The following NDUFA10 variants were observed in gnomAD, a reference collection of about 807,000 sequenced individuals.
The protein encoded by NDUFA10 is NADH:ubiquinone oxidoreductase subunit A10.
Under a neutral mutation model 47.8 loss-of-function variants are expected in NDUFA10, and 40 were observed. The observed-to-expected ratio is 0.84, with a 90% CI of 0.65 to 1.09. NDUFA10 has a LOEUF of 1.09. NDUFA10 is among the 50% of genes least tolerant of loss of function. The pLI, the probability that NDUFA10 is intolerant of heterozygous loss-of-function variation, is 0.00. For missense variants in NDUFA10, 413 were observed against 451.1 expected (o/e 0.92, Z 0.76); for synonymous variants, 183 against 172.2 (o/e 1.06, Z -0.49).
intron 4 of NDUFA10, among the ~76,000 whole-genome samples, chr2:239,916,948 T>C (rs1017072521): frequency 6.6e-6 from 1 of 152,134 alleles, no homozygotes; most frequent in African/African-American, 2.4e-5. Flanking sequence ...GCTGGCACCG[T>C]CCCAGGCTCT....
Position 239,906,067 on chromosome 2 carries a change from T to A in NDUFA10, c.295-10753A>T, listed in dbSNP as rs1384660281. ...GCCCTGAGGGGTGATACCTCCAAGG[T>A]GCTCAGGGGACCTTGAAGCAGCCCT... On this transcript the variant is annotated intron_variant, in intron 4 of 5. Coordinates refer to the NDUFA10 transcript ENST00000419408. This position sits in a 1 kb window ranked among gnomAD's most constrained non-coding sequence, Gnocchi z 4.3. 6.6e-6 allele frequency among the ~76,000 whole-genome samples: 1 copy of A among 152,072 alleles called. No individual in the cohort carries two copies. The highest frequency in any genetic ancestry group is 1.9e-4 in the East Asian group (1 of 5,170).
At chr2:239,989,790 A>G (rs1028184076) in intron 9 of NDUFA10, among the ~76,000 whole-genome samples, 1 of 152,244 alleles carries the variant, frequency 6.6e-6, no homozygotes, top group South Asian at 2.1e-4. Flanking sequence ...AGAAACTGAC[A>G]TAACAGCTGA....
intron 8 of NDUFA10, among the ~76,000 whole-genome samples, chr2:240,003,221 G>C (rs1439889529): frequency 1.3e-5 from 2 of 152,132 alleles, no homozygotes; most frequent in East Asian, 3.9e-4. Context: ...TGAGCCAGCT[G>C]TCCCTCTGGT....
intron 4 of NDUFA10, among the ~76,000 whole-genome samples, chr2:239,912,575 C>T (rs1455038639): frequency 9.6e-6 from 1 of 104,004 alleles, no homozygotes; most frequent in Non-Finnish European, 1.9e-5. Context: ...CTAGCCTTTC[C>T]CAGGGATGGT....
intron 1 of NDUFA10, 71 bp from the exon 2 acceptor site, chr2:240,022,411 G>C: frequency 2.5e-6 from 4 of 1,603,198 alleles, no homozygotes; most frequent in Non-Finnish European, 2.6e-6. Context: ...GTAACTATTA[G>C]GTAAAAATAC....
At chr2:240,004,756 C>G (rs898983932) in intron 8 of NDUFA10, among the ~76,000 whole-genome samples, 4 of 152,304 alleles carry the variant, frequency 2.6e-5, no homozygotes. Context: ...CTGCTCACCC[C>G]ACGGCCCACA....
chr2:239,905,057 A>G (rs1416247601), intron 4 of NDUFA10, among the ~76,000 whole-genome samples: 1 of 152,156 alleles, frequency 6.6e-6, no homozygotes, highest in African/African-American at 2.4e-5. Context: ...CTTTTTCCAA[A>G]TAAGTTCCCA....
intron 4 of NDUFA10, among the ~76,000 whole-genome samples, chr2:239,950,177 T>C (rs1444024121): frequency 6.6e-6 from 1 of 152,176 alleles, no homozygotes; most frequent in Non-Finnish European, 1.5e-5. Flanking sequence ...CTCCGCCCCA[T>C]GCTGTGTGGC....
chr2:239,962,356 C>T (rs144890406), intron 9 of NDUFA10, among the ~76,000 whole-genome samples: 20 of 152,334 alleles, frequency 1.3e-4, no homozygotes, highest in African/African-American at 4.6e-4. Flanking sequence ...CCATGGCTGC[C>T]TGGATCACAA....
intron 4 of NDUFA10, among the ~76,000 whole-genome samples, chr2:239,948,938 C>T (rs76812711): frequency 0.012 from 1,759 of 152,342 alleles, 32 homozygotes; most frequent in African/African-American, 0.038. Flanking sequence ...ACTTCAAATG[C>T]AGTGTCTCAG....
intron 4 of NDUFA10, chr2:240,018,310 G>A: frequency 1.7e-6 from 2 of 1,165,144 alleles, no homozygotes; most frequent in Non-Finnish European, 2.4e-6. Context: ...GTGTGTTTGA[G>A]GTCCAGGGCT....
chr2:239,985,569 G>A (rs144780134), intron 9 of NDUFA10, among the ~76,000 whole-genome samples: 7 of 152,166 alleles, frequency 4.6e-5, no homozygotes, highest in East Asian at 1.9e-4. Context: ...AACTGGAACC[G>A]AAAGAGAGCA....
intron 9 of NDUFA10, among the ~76,000 whole-genome samples, chr2:239,988,246 C>T (rs947940086): frequency 2.0e-5 from 3 of 152,074 alleles, no homozygotes; most frequent in Non-Finnish European, 2.9e-5. Context: ...TCAGATGCTA[C>T]ATAAATATTG....
chr2:239,984,914 C>T (rs532625627), intron 9 of NDUFA10, among the ~76,000 whole-genome samples: 1 of 152,332 alleles, frequency 6.6e-6, no homozygotes, highest in Non-Finnish European at 1.5e-5. Context: ...AAAGAAGGGA[C>T]CCTGGCAAAA....
intron 4 of NDUFA10, among the ~76,000 whole-genome samples, chr2:239,923,229 A>G (rs35404138): frequency 0.29 from 44,666 of 152,124 alleles, 6,699 homozygotes; most frequent in Middle Eastern, 0.34. Context: ...AGACTTCAAT[A>G]CCCTTCTCTC....
In NDUFA10 at chr2:239,945,640, G is replaced by C. The variant is rs1346732394; in HGVS notation, c.294+44434C>G. ...TCATGAACAGTTTTCTCACGGAATG[G>C]ATCGATTGGCCCTGGGATGAAAACC... On this transcript the variant is annotated intron_variant, in intron 4 of 5. Coordinates refer to the NDUFA10 transcript ENST00000419408. This position sits in a 1 kb window ranked among gnomAD's most constrained non-coding sequence, Gnocchi z 4.6. Among the ~76,000 whole-genome samples the C allele has an allele frequency of 6.6e-6, 1 of 152,222 alleles. No homozygotes were observed. The highest frequency in any genetic ancestry group is 2.4e-5 in the African/African-American group (1 of 41,460).
chr2:239,968,513 G>A (rs879773116), intron 9 of NDUFA10, among the ~76,000 whole-genome samples: 1 of 152,222 alleles, frequency 6.6e-6, no homozygotes, highest in Admixed American at 6.5e-5. Flanking sequence ...TCATGAGGCA[G>A]TAACAGGGTC....
At chr2:239,899,195 AGTGTGATGGAGGG>A (rs1350041521) in intron 4 of NDUFA10, among the ~76,000 whole-genome samples, 1 of 3,056 alleles carries the variant, frequency 3.3e-4, no homozygotes, top group Non-Finnish European at 7.2e-4. Flanking sequence ...GTGATGGAGG[AGTGTGATGGAGGG>A]GTGTGGAGGG....
intron 3 of NDUFA10, among the ~76,000 whole-genome samples, chr2:240,020,279 GC>G (rs1697566785): frequency 6.6e-6 from 1 of 152,160 alleles, no homozygotes; most frequent in Admixed American, 6.5e-5. Flanking sequence ...CAGGGGCACT[GC>G]CAATCAACGA....
Sources: gnomAD v4.1 joint callset for allele counts (sites outside exome capture counted in the v4.1 genomes callset) on GRCh38, gnomAD v4.1.1 for gene constraint, Gnocchi (gnomAD v3.1) non-coding constraint, MANE v1.5 for transcripts, NCBI Gene and HGNC (gene_info 2026-07-23, HGNC 2026-07-21) for gene names.